Variants in MAP3K13 observed in about 807,000 individuals in gnomAD.
MAP3K13 encodes the protein leucine zipper-bearing kinase.
MAP3K13 carries 52 observed loss-of-function variants against 104.0 expected under a neutral mutation model. The observed-to-expected ratio is 0.50, with a 90% CI of 0.40 to 0.63. The LOEUF (loss-of-function observed/expected upper bound fraction) is 0.63, where lower values mean the gene tolerates loss of function less well. MAP3K13 is among the 20% of genes least tolerant of loss of function. The probability of loss-of-function intolerance (pLI) is 0.00; values close to 1 mark genes in which losing one functional copy is unlikely to be tolerated. For synonymous variants in MAP3K13, 394 were observed against 442.2 expected, an observed-to-expected ratio of 0.89 and a Z score of 1.37; for missense variants, 914 against 1,218.5, an observed-to-expected ratio of 0.75 and a Z score of 3.72.
Position 185,428,874 on chromosome 3 carries a change from C to T in MAP3K13, c.293C>T (p.Ser98Phe), listed in dbSNP as rs185775668. 2 of 1,614,148 alleles carry T rather than the reference C, an allele frequency of 1.2e-6. No homozygotes were observed. Among genetic ancestry groups the T allele is most frequent in the African/African-American group, 1.3e-5 (1 of 75,026 alleles). The change falls in exon 2 of 14, where the codon TCT becomes TTT. Residue 98 changes from serine (S) to phenylalanine (F), a missense_variant. This residue lies in a region of MAP3K13 where 156 missense variants were observed against 159.8 expected (regional missense o/e 0.98). Coordinates refer to ENST00000265026, the MANE Select transcript of MAP3K13 (RefSeq NM_004721.5). Reference sequence around the variant, plus strand: ...CACGATGAATCAGAGACGGCGGTGTCTCAGGGGAACAGCAACACGGTGGAC... The same window carrying T: ...CACGATGAATCAGAGACGGCGGTGTTTCAGGGGAACAGCAACACGGTGGAC... Reference protein sequence around the residue: ...REHDESETAVSQGNSNTVDGE... With the variant: ...REHDESETAVFQGNSNTVDGE...
intron 1 of MAP3K13, among the ~76,000 whole-genome samples, chr3:185,424,177 C>G (rs1203127728): frequency 6.6e-6 from 1 of 152,190 alleles, no homozygotes. Flanking sequence ...TTCATCCCGG[C>G]TCTGTGACCT....
At chr3:185,347,978 C>T (rs1722995911) in intron 2 of MAP3K13, among the ~76,000 whole-genome samples, 2 of 146,702 alleles carry the variant, frequency 1.4e-5, no homozygotes, top group South Asian at 4.3e-4. Context: ...CATCATTGCA[C>T]TCCATCCTGG....
chr3:185,340,152 C>T (rs1028367262), intron 2 of MAP3K13, among the ~76,000 whole-genome samples: 2 of 152,120 alleles, frequency 1.3e-5, no homozygotes, highest in Middle Eastern at 3.2e-3. Context: ...CAGCATTATA[C>T]TGAGCACGAG....
chr3:185,301,246 GT>G (rs1721093141), intron 2 of MAP3K13, among the ~76,000 whole-genome samples: 1 of 151,468 alleles, frequency 6.6e-6, no homozygotes, highest in Non-Finnish European at 1.5e-5. Context: ...CTTTTCATAT[GT>G]TTGTCGGTCA....
chr3:185,392,764 G>A (rs1412336512), intron 1 of MAP3K13, among the ~76,000 whole-genome samples: 1 of 151,980 alleles, frequency 6.6e-6, no homozygotes, highest in Non-Finnish European at 1.5e-5. Flanking sequence ...AATAATCTAG[G>A]CTGACCGGGT....
At chr3:185,298,810 A>T (rs1721002985) in intron 2 of MAP3K13, among the ~76,000 whole-genome samples, 1 of 152,226 alleles carries the variant, frequency 6.6e-6, no homozygotes, top group Admixed American at 6.5e-5. Context: ...GACAAAAAAA[A>T]CATGTCTAGG....
chr3:185,401,610 C>T (rs1157125223), intron 1 of MAP3K13, among the ~76,000 whole-genome samples: 1 of 152,218 alleles, frequency 6.6e-6, no homozygotes, highest in Non-Finnish European at 1.5e-5. Context: ...GAGGCATTAA[C>T]TATTAAATTG....
At chr3:185,456,686 C>A (rs563880008) in intron 7 of MAP3K13, among the ~76,000 whole-genome samples, 2 of 147,880 alleles carry the variant, frequency 1.4e-5, no homozygotes, top group South Asian at 4.3e-4. Context: ...ACTGCAGCCT[C>A]CACCTCCCGA....
At chr3:185,313,626 A>G (rs1056557715) in intron 2 of MAP3K13, among the ~76,000 whole-genome samples, 8 of 152,064 alleles carry the variant, frequency 5.3e-5, no homozygotes, top group African/African-American at 1.7e-4. Flanking sequence ...TGATTAAAGT[A>G]TTAGGGAGGA....
rs767704247 is a variant in MAP3K13 at position 185,449,868 on chromosome 3, ATCT to A, written c.1011-28_1011-26del. 18 of 1,549,550 alleles carry A rather than the reference ATCT, an allele frequency of 1.2e-5. No homozygotes were observed. The East Asian group carries it at 3.5e-4, about 30-fold the overall frequency. On this transcript the variant is annotated intron_variant, in intron 5 of 13. Transcript: ENST00000265026. ...AAATACAAATCAGTCTTTCTGAAAC[ATCT>A]TCTGTCCATGTTCCCGGCGCTACTG...
At chr3:185,304,883 C>A (rs558805446) in intron 2 of MAP3K13, among the ~76,000 whole-genome samples, 1 of 152,092 alleles carries the variant, frequency 6.6e-6, no homozygotes, top group African/African-American at 2.4e-5. Context: ...CCGCCCCCTT[C>A]GGCCTCCCAA....
At chr3:185,455,733 TATGA>T (rs1247131197) in intron 7 of MAP3K13, among the ~76,000 whole-genome samples, 9 of 37,100 alleles carry the variant, frequency 2.4e-4, no homozygotes, top group East Asian at 6.2e-4. Flanking sequence ...ATGATATATA[TATGA>T]GATATATATA....
chr3:185,365,501 G>A (rs1465806488), intron 1 of MAP3K13, among the ~76,000 whole-genome samples: 1 of 152,170 alleles, frequency 6.6e-6, no homozygotes, highest in Non-Finnish European at 1.5e-5. Flanking sequence ...AGTTTGGTTT[G>A]CGTTGTGTGC....
chr3:185,289,942 C>T (rs1720668620), intron 2 of MAP3K13, among the ~76,000 whole-genome samples: 2 of 152,138 alleles, frequency 1.3e-5, no homozygotes, highest in South Asian at 4.1e-4. Flanking sequence ...TAGAGTAATA[C>T]AGACAGATTT....
intron 7 of MAP3K13, among the ~76,000 whole-genome samples, chr3:185,458,424 G>T (rs550730415): frequency 1.2e-3 from 186 of 150,960 alleles, no homozygotes; most frequent in African/African-American, 4.3e-3. Context: ...GCGTACGATA[G>T]CATAAAACAA....
chr3:185,467,183 A>C (rs2148918101), intron 10 of MAP3K13, among the ~76,000 whole-genome samples: 1 of 152,346 alleles, frequency 6.6e-6, no homozygotes, highest in Middle Eastern at 3.4e-3. Flanking sequence ...TTGTCTTAGC[A>C]TGGAAAGAGA....
intron 1 of MAP3K13, among the ~76,000 whole-genome samples, chr3:185,404,419 A>C (rs1327118034): frequency 6.6e-6 from 1 of 152,142 alleles, no homozygotes; most frequent in Non-Finnish European, 1.5e-5. Context: ...TCTGGGGGCA[A>C]ATTGATGGCA....
At chr3:185,368,827 T>C (rs1394953423) in intron 1 of MAP3K13, among the ~76,000 whole-genome samples, 1 of 151,918 alleles carries the variant, frequency 6.6e-6, no homozygotes, top group South Asian at 2.1e-4. Context: ...GGCATGGTGG[T>C]GCATGCCTGT....
At chr3:185,297,849 A>C (rs2108677518) in intron 2 of MAP3K13, among the ~76,000 whole-genome samples, 1 of 152,222 alleles carries the variant, frequency 6.6e-6, no homozygotes, top group Admixed American at 6.5e-5. Flanking sequence ...ATTTTTCACC[A>C]ATACAGTAAC....
Sources: gnomAD v4.1 joint callset for allele counts (sites outside exome capture counted in the v4.1 genomes callset) on GRCh38, gnomAD v4.1.1 for gene constraint, gnomAD v4.1.1 regional missense constraint, MANE v1.5 for transcripts, NCBI Gene and HGNC (gene_info 2026-07-23, HGNC 2026-07-21) for gene names.